Variants in ZNF804A observed in about 807,000 individuals in gnomAD.
The protein encoded by ZNF804A is zinc finger protein 804A.
In ZNF804A, 2 loss-of-function variants were observed where a neutral mutation model predicts 16.5. The ratio of observed to expected loss-of-function variants is 0.12; its 90% CI spans 0.05 to 0.38. The LOEUF (loss-of-function observed/expected upper bound fraction) is 0.38. ZNF804A is among the 10% of genes least tolerant of loss of function. ZNF804A has a pLI of 0.99. For synonymous variants in ZNF804A, 534 were observed against 489.6 expected (o/e 1.09, Z -1.20); for missense variants, 1,473 against 1,390.7 (o/e 1.06, Z -0.94).
chr2:184,606,154 A>T (rs1458030338), intron 1 of ZNF804A, among the ~76,000 whole-genome samples: 3 of 152,210 alleles, frequency 2.0e-5, no homozygotes, highest in Non-Finnish European at 4.4e-5. Context: ...GTCACCTACA[A>T]TAGTAGCATA....
At chr2:184,685,752 G>C (rs1692617875) in intron 1 of ZNF804A, among the ~76,000 whole-genome samples, 1 of 152,166 alleles carries the variant, frequency 6.6e-6, no homozygotes, top group Admixed American at 6.5e-5. Flanking sequence ...ACTCTACCTG[G>C]AACAGGCAGC....
At chr2:184,839,914 T>A (rs1695409413) in intron 1 of ZNF804A, among the ~76,000 whole-genome samples, 1 of 152,126 alleles carries the variant, frequency 6.6e-6, no homozygotes, top group Admixed American at 6.6e-5. Context: ...AAAAATAGAA[T>A]AAGGGACCAT....
intron 2 of ZNF804A, among the ~76,000 whole-genome samples, chr2:184,871,431 A>C (rs1165887971): frequency 4.1e-5 from 6 of 148,064 alleles, no homozygotes; most frequent in Admixed American, 6.8e-5. Flanking sequence ...AAAAAAAAAC[A>C]AAAAAAAACT....
At chr2:184,652,088 A>G (rs939775823) in intron 1 of ZNF804A, among the ~76,000 whole-genome samples, 4 of 152,200 alleles carry the variant, frequency 2.6e-5, no homozygotes, top group Non-Finnish European at 4.4e-5. Flanking sequence ...AATATGTGCT[A>G]TAGACTATGA....
In ZNF804A at chr2:184,938,607, C is replaced by T. The variant is rs757818365; in HGVS notation, c.3211C>T (p.Pro1071Ser). Residue 1071 changes from proline to serine, a missense_variant, in exon 4 of 4, where the codon CCA becomes TCA. Transcript: ENST00000302277. Reference protein sequence around the residue: ...LANKVKFTFPPAALPPPSTPL... With the variant: ...LANKVKFTFPSAALPPPSTPL... ...CAACAAGGTTAAATTTACCTTTCCT[C>T]CAGCTGCCCTCCCACCCCCTAGCAC... 2 of 1,614,066 alleles carry T rather than the reference C, an allele frequency of 1.2e-6. No homozygotes were observed. Among genetic ancestry groups the T allele is most frequent in the Non-Finnish European group, 1.7e-6 (2 of 1,179,970 alleles).
At chr2:184,851,177 A>G (rs562279788) in intron 1 of ZNF804A, among the ~76,000 whole-genome samples, 1 of 151,868 alleles carries the variant, frequency 6.6e-6, no homozygotes, top group South Asian at 2.1e-4. Context: ...ATATACTTTT[A>G]ATTTGTTTGT....
intron 1 of ZNF804A, among the ~76,000 whole-genome samples, chr2:184,763,410 T>G (rs1694069027): frequency 6.6e-6 from 1 of 152,090 alleles, no homozygotes; most frequent in Non-Finnish European, 1.5e-5. Flanking sequence ...ATTTTTCTAA[T>G]ATTGTTCGTT....
Position 184,613,616 on chromosome 2 carries a change from AAATT to A in ZNF804A, c.111+14555_111+14558del, listed in dbSNP as rs1206465649. Reference sequence around the variant, plus strand: ...AAGAGATGGGGGTAAGGGGAAAGAGAAATTAATTAATTCTTCTAAGGCAGTAAGA... The same window carrying A: ...AAGAGATGGGGGTAAGGGGAAAGAGAAATTAATTCTTCTAAGGCAGTAAGA... On this transcript the variant is annotated intron_variant, in intron 1 of 3. Coordinates refer to ENST00000302277, the MANE Select transcript of ZNF804A (RefSeq NM_194250.2). 5.3e-5 allele frequency among the ~76,000 whole-genome samples: 8 copies of A among 152,272 alleles called. No homozygotes were observed. In the South Asian group the frequency reaches 6.2e-4, roughly 12 times the overall value.
At chr2:184,672,720 G>T (rs1301645121) in intron 1 of ZNF804A, among the ~76,000 whole-genome samples, 2 of 151,936 alleles carry the variant, frequency 1.3e-5, no homozygotes, top group East Asian at 3.9e-4. Context: ...TGCCAGATGG[G>T]CAACAGATAA....
chr2:184,629,817 G>A (rs760153032), intron 1 of ZNF804A, among the ~76,000 whole-genome samples: 1 of 152,122 alleles, frequency 6.6e-6, no homozygotes. Flanking sequence ...AGTGGGCAGA[G>A]AAAGAAGACT....
intron 1 of ZNF804A, among the ~76,000 whole-genome samples, chr2:184,735,626 T>C (rs1030459364): frequency 6.6e-6 from 1 of 152,190 alleles, no homozygotes; most frequent in South Asian, 2.1e-4. Context: ...TTACATATTA[T>C]TACACTAATT....
intron 1 of ZNF804A, among the ~76,000 whole-genome samples, chr2:184,740,210 G>A (rs1029610701): frequency 6.6e-6 from 1 of 152,224 alleles, no homozygotes; most frequent in Admixed American, 6.5e-5. Context: ...GACTCCTCAA[G>A]TCACCATCTT....
chr2:184,688,186 A>G (rs1262965024), intron 1 of ZNF804A, among the ~76,000 whole-genome samples: 1 of 152,106 alleles, frequency 6.6e-6, no homozygotes, highest in Non-Finnish European at 1.5e-5. Flanking sequence ...TCTAAATCAT[A>G]GCATAAATCA....
At chr2:184,655,454 T>A (rs1312552941) in intron 1 of ZNF804A, among the ~76,000 whole-genome samples, 1 of 152,180 alleles carries the variant, frequency 6.6e-6, no homozygotes, top group African/African-American at 2.4e-5. Flanking sequence ...CATATTCAAA[T>A]CTCTAGTGTC....
intron 1 of ZNF804A, among the ~76,000 whole-genome samples, chr2:184,852,945 T>A (rs1470151599): frequency 6.6e-6 from 1 of 151,866 alleles, no homozygotes; most frequent in Non-Finnish European, 1.5e-5. Context: ...TGGTTTCATA[T>A]AAATTTAGGA....
At chr2:184,696,635 C>A (rs1364469805) in intron 1 of ZNF804A, among the ~76,000 whole-genome samples, 1 of 151,992 alleles carries the variant, frequency 6.6e-6, no homozygotes, top group Non-Finnish European at 1.5e-5. Context: ...AAGCAAGCAA[C>A]CAATCTTTTA....
intron 1 of ZNF804A, among the ~76,000 whole-genome samples, chr2:184,720,082 C>T (rs75387658): frequency 0.069 from 10,467 of 152,146 alleles, 1,231 homozygotes; most frequent in African/African-American, 0.24. Context: ...GAAATGCACA[C>T]CTCATACAGT....
chr2:184,818,310 GCT>G (rs1695015220), intron 1 of ZNF804A, among the ~76,000 whole-genome samples: 1 of 151,904 alleles, frequency 6.6e-6, no homozygotes, highest in African/African-American at 2.4e-5. Context: ...TCCAAACTAA[GCT>G]TCAGAAGTGA....
chr2:184,873,678 T>C (rs1696009550), intron 2 of ZNF804A, among the ~76,000 whole-genome samples: 1 of 152,040 alleles, frequency 6.6e-6, no homozygotes, highest in Non-Finnish European at 1.5e-5. Context: ...TGAACACATA[T>C]GAAAAATAGA....
Sources: gnomAD v4.1 joint callset for allele counts (sites outside exome capture counted in the v4.1 genomes callset) on GRCh38, gnomAD v4.1.1 for gene constraint, MANE v1.5 for transcripts, NCBI Gene and HGNC (gene_info 2026-07-23, HGNC 2026-07-21) for gene names.